The following AGBL4 variants were observed in gnomAD, a reference collection of about 807,000 sequenced individuals.
The protein encoded by AGBL4 is AGBL carboxypeptidase 4.
A neutral mutation model predicts 66.4 loss-of-function variants in AGBL4; 58 were observed. The ratio of observed to expected loss-of-function variants is 0.87; its 90% CI spans 0.71 to 1.09. The LOEUF is 1.09. AGBL4 is among the 50% of genes least tolerant of loss of function. The probability of loss-of-function intolerance (pLI) is 0.00; values close to 1 mark genes in which losing one functional copy is unlikely to be tolerated. For synonymous variants in AGBL4, 234 were observed against 222.9 expected (o/e 1.05, Z -0.44); for missense variants, 579 against 631.0 (o/e 0.92, Z 0.88).
intron 3 of AGBL4, among the ~76,000 whole-genome samples, chr1:49,316,094 G>T (rs1039942065): frequency 6.6e-6 from 1 of 151,986 alleles, no homozygotes; most frequent in South Asian, 2.1e-4. Flanking sequence ...GTTTCCAGGG[G>T]TTTTGGAGAA....
chr1:48,900,640 G>GT (rs1181611576), intron 5 of AGBL4, among the ~76,000 whole-genome samples: 1 of 152,158 alleles, frequency 6.6e-6, no homozygotes, highest in Non-Finnish European at 1.5e-5. Flanking sequence ...GAAAAAAACA[G>GT]TTTTTTCAAC....
chr1:48,540,610 T>C (rs1208865150), intron 11 of AGBL4, among the ~76,000 whole-genome samples: 1 of 152,144 alleles, frequency 6.6e-6, no homozygotes, highest in African/African-American at 2.4e-5. Flanking sequence ...CCCCACACTT[T>C]CATGACTCCT....
At chr1:49,029,314 A>C (rs528918182) in intron 5 of AGBL4, among the ~76,000 whole-genome samples, 2 of 152,308 alleles carry the variant, frequency 1.3e-5, no homozygotes, top group South Asian at 2.1e-4. Flanking sequence ...TTTAATCTTA[A>C]GGAATCTAAT....
chr1:49,155,602 T>C (rs1646414271), intron 4 of AGBL4, among the ~76,000 whole-genome samples: 1 of 152,118 alleles, frequency 6.6e-6, no homozygotes, highest in Non-Finnish European at 1.5e-5. Flanking sequence ...GACACTATAG[T>C]CCTAGATAGC....
At position 49,388,577 on chromosome 1, in the gene AGBL4, A is replaced by G. The variant is rs894920958; in HGVS notation, c.283-142713T>C. Among the ~76,000 whole-genome samples, 6 of 152,294 alleles carry G rather than the reference A, an allele frequency of 3.9e-5. No homozygotes were observed. In the South Asian group the frequency reaches 1.2e-3, roughly 32 times the overall value. On this transcript the variant is annotated intron_variant, in intron 3 of 13. Coordinates refer to ENST00000371839, the MANE Select transcript of AGBL4 (RefSeq NM_032785.4). ...GTAAATGTCAGATCCAGCACTCAAT[A>G]CTTCAATCATTATCCTATGATTCTT...
intron 3 of AGBL4, among the ~76,000 whole-genome samples, chr1:49,440,400 G>C (rs1453007043): frequency 1.3e-5 from 2 of 152,110 alleles, no homozygotes; most frequent in Non-Finnish European, 2.9e-5. Context: ...GGAGAACACT[G>C]ATAGTCCTTG....
At chr1:49,512,865 G>A (rs573789595) in intron 3 of AGBL4, among the ~76,000 whole-genome samples, 99 of 151,824 alleles carry the variant, frequency 6.5e-4, no homozygotes, top group Non-Finnish European at 1.2e-3. Flanking sequence ...CAAAAAAAAA[G>A]TAGAATAAAA....
chr1:49,862,122 G>C (rs1305735915), intron 1 of AGBL4, among the ~76,000 whole-genome samples: 2 of 152,088 alleles, frequency 1.3e-5, no homozygotes, highest in Non-Finnish European at 2.9e-5. Flanking sequence ...GCTGTGTTGA[G>C]GTAACTCAAA....
intron 6 of AGBL4, among the ~76,000 whole-genome samples, chr1:48,794,781 CT>C (rs1314386424): frequency 6.6e-6 from 1 of 152,194 alleles, no homozygotes; most frequent in African/African-American, 2.4e-5. Context: ...GCCTTCTGGA[CT>C]TTTTCATTCT....
At chr1:49,204,657 C>T (rs1245622392) in intron 4 of AGBL4, among the ~76,000 whole-genome samples, 1 of 152,026 alleles carries the variant, frequency 6.6e-6, no homozygotes, top group Non-Finnish European at 1.5e-5. Context: ...TAATGTAAAA[C>T]ACACTTTCAC....
At chr1:49,074,906 G>T (rs1644680939) in intron 4 of AGBL4, among the ~76,000 whole-genome samples, 2 of 152,122 alleles carry the variant, frequency 1.3e-5, no homozygotes, top group South Asian at 4.1e-4. Context: ...CCCTCAGCTA[G>T]CGAGAGATTC....
At chr1:48,524,477 G>C in the AGBL4 span, among the ~76,000 whole-genome samples, 1 of 152,218 alleles carries the variant, frequency 6.6e-6, no homozygotes, top group African/African-American at 2.4e-5. Flanking sequence ...CCTTCACTGG[G>C]ACTGGGAAAG....
intron 4 of AGBL4, among the ~76,000 whole-genome samples, chr1:49,178,069 A>C (rs1646863655): frequency 6.6e-6 from 1 of 152,130 alleles, no homozygotes; most frequent in South Asian, 2.1e-4. Context: ...AGTCTAGAAA[A>C]AGTCAGTGTA....
At chr1:49,126,571 A>G (rs1645768525) in intron 4 of AGBL4, among the ~76,000 whole-genome samples, 2 of 152,164 alleles carry the variant, frequency 1.3e-5, no homozygotes, top group African/African-American at 2.4e-5. Context: ...TGATAAGGAA[A>G]AATTGAAGTT....
chr1:48,622,984 A>C (rs1271398042), intron 9 of AGBL4, among the ~76,000 whole-genome samples: 3 of 152,210 alleles, frequency 2.0e-5, no homozygotes, highest in Non-Finnish European at 4.4e-5. Flanking sequence ...ATTGAGATTT[A>C]AACGCGGGCC....
At chr1:49,813,057 C>T (rs1645138369) in intron 2 of AGBL4, among the ~76,000 whole-genome samples, 1 of 152,140 alleles carries the variant, frequency 6.6e-6, no homozygotes, top group African/African-American at 2.4e-5. Flanking sequence ...GGGAGAATCA[C>T]AGAATCCTAG....
At chr1:48,879,477 G>C (rs1649550958) in intron 5 of AGBL4, among the ~76,000 whole-genome samples, 1 of 152,088 alleles carries the variant, frequency 6.6e-6, no homozygotes, top group African/African-American at 2.4e-5. Context: ...GTATAGACAA[G>C]AATTAGAAAA....
At chr1:49,740,509 A>C (rs924002538) in intron 2 of AGBL4, among the ~76,000 whole-genome samples, 3 of 152,198 alleles carry the variant, frequency 2.0e-5, no homozygotes, top group African/African-American at 4.8e-5. Context: ...AAAGTTAACA[A>C]GGATATCCAG....
chr1:49,680,259 CG>C lies in AGBL4; in HGVS notation c.282+17053del, dbSNP rs531134957. ...AGAGATGGGGTTTCACCATGTTGTC[CG>C]GGATGGTCTCGATCTCTTGACCTTG... On this transcript the variant is annotated intron_variant, in intron 3 of 13. Transcript: ENST00000371839. 7.8e-4 allele frequency among the ~76,000 whole-genome samples: 118 copies of C among 151,890 alleles called. 1 individual carries two copies. In the South Asian group the frequency reaches 0.024, roughly 31 times the overall value.
Sources: allele counts gnomAD v4.1 joint callset (sites outside exome capture counted in the v4.1 genomes callset), GRCh38; gene constraint gnomAD v4.1.1; transcripts MANE v1.5; gene names NCBI Gene and HGNC (gene_info 2026-07-23, HGNC 2026-07-21).